The following CPEB3 variants were observed in gnomAD, a reference collection of about 807,000 sequenced individuals.
The protein encoded by CPEB3 is cytoplasmic polyadenylation element-binding protein 3.
A neutral mutation model predicts 67.2 loss-of-function variants in CPEB3; 20 were observed. That is an observed-to-expected ratio of 0.30 (90% CI 0.21 to 0.43). The LOEUF (loss-of-function observed/expected upper bound fraction) is 0.43, where lower values mean the gene tolerates loss of function less well. CPEB3 is among the 20% of genes least tolerant of loss of function. The pLI is 1.00. For missense variants in CPEB3, 746 were observed against 968.6 expected, an observed-to-expected ratio of 0.77 and a Z score of 3.05; for synonymous variants, 376 against 393.1, an observed-to-expected ratio of 0.96 and a Z score of 0.51.
Position 92,145,087 on chromosome 10 carries a change from T to G in CPEB3, c.1223-2A>C. On this transcript the variant is annotated splice_acceptor_variant, in intron 4 of 9. Coordinates refer to ENST00000265997, the MANE Select transcript of CPEB3 (RefSeq NM_014912.5). LOFTEE classifies it high-confidence loss of function. ...CATGGCTATCATCCAGGAAGGCATC[T>G]TCAAAGGGAAAGAGAGAAGATCGAC... 2 of 1,613,996 alleles carry G rather than the reference T, an allele frequency of 1.2e-6. No homozygotes were observed. Among genetic ancestry groups the G allele is most frequent in the Non-Finnish European group, 1.7e-6 (2 of 1,179,930 alleles).
rs1227240506 is a variant in CPEB3 at position 92,047,124 on chromosome 10, C to G, written c.*5088G>C. The G allele has an allele frequency of 6.6e-6, 1 of 152,148 alleles. No homozygotes were observed. The highest frequency in any genetic ancestry group is 2.4e-5 in the African/African-American group (1 of 41,430). 9.4% of individuals were successfully genotyped at this position (152,148 alleles called of 1,614,324 possible). A position where few individuals can be genotyped will look rare whatever the true frequency, so the allele number is the denominator to read the frequency against. On this transcript the variant is annotated 3_prime_UTR_variant, in exon 10 of 10. Transcript: ENST00000265997. ...TGTTGCAATTAACTTTGTCGTCATA[C>G]AAATTTAAACATCCCCTAATCATGT...
At chr10:92,225,538 C>A (rs997899786) in intron 2 of CPEB3, among the ~76,000 whole-genome samples, 6 of 152,030 alleles carry the variant, frequency 3.9e-5, no homozygotes, top group African/African-American at 1.4e-4. Flanking sequence ...AACAACAAAA[C>A]AATCTATCTA....
intron 2 of CPEB3, among the ~76,000 whole-genome samples, chr10:92,230,908 C>G (rs1851236210): frequency 6.6e-6 from 1 of 152,192 alleles, no homozygotes; most frequent in Non-Finnish European, 1.5e-5. Context: ...GACAACCACA[C>G]TGGCCCCTAA....
At chr10:92,259,009 C>A (rs189030998) in intron 1 of CPEB3, among the ~76,000 whole-genome samples, 32 of 151,628 alleles carry the variant, frequency 2.1e-4, no homozygotes, top group African/African-American at 7.7e-4. Flanking sequence ...GTTGCCCAGG[C>A]TGGAATGCAG....
chr10:92,103,226 C>A (rs1040989050), intron 7 of CPEB3, among the ~76,000 whole-genome samples: 5 of 152,186 alleles, frequency 3.3e-5, no homozygotes, highest in Admixed American at 1.3e-4. Flanking sequence ...AGGTGAGACC[C>A]ACTCAATGAT....
chr10:92,236,020 A>G (rs1233853305), intron 2 of CPEB3, among the ~76,000 whole-genome samples: 1 of 152,220 alleles, frequency 6.6e-6, no homozygotes, highest in Non-Finnish European at 1.5e-5. Flanking sequence ...TTATGCACCA[A>G]ACTAATACAT....
intron 8 of CPEB3, among the ~76,000 whole-genome samples, chr10:92,085,352 G>A (rs1044046222): frequency 2.0e-5 from 3 of 152,138 alleles, no homozygotes; most frequent in African/African-American, 7.2e-5. Context: ...TGGACAAGAT[G>A]CTCTGTGATC....
intron 2 of CPEB3, among the ~76,000 whole-genome samples, chr10:92,223,053 T>A (rs2134460266): frequency 6.6e-6 from 1 of 152,304 alleles, no homozygotes; most frequent in East Asian, 1.9e-4. Flanking sequence ...CCCACATGAT[T>A]AATTGGTTAG....
At chr10:92,083,780 T>C (rs1843252702) in intron 8 of CPEB3, among the ~76,000 whole-genome samples, 1 of 152,188 alleles carries the variant, frequency 6.6e-6, no homozygotes, top group Non-Finnish European at 1.5e-5. Context: ...AAGGACTCAA[T>C]AAAGTGCCTG....
chr10:92,230,785 T>C (rs766786504), intron 2 of CPEB3, among the ~76,000 whole-genome samples: 13 of 152,314 alleles, frequency 8.5e-5, no homozygotes, highest in Admixed American at 2.6e-4. Flanking sequence ...CTTGTGAAGC[T>C]GGTTTCTACT....
At chr10:92,172,828 T>C (rs1848067250) in intron 4 of CPEB3, among the ~76,000 whole-genome samples, 1 of 152,216 alleles carries the variant, frequency 6.6e-6, no homozygotes, top group Non-Finnish European at 1.5e-5. Context: ...GGAAAAACCA[T>C]AGTAAGCATT....
intron 3 of CPEB3, 100 bp from the exon 4 acceptor site, chr10:92,181,119 C>A: frequency 1.5e-6 from 1 of 649,578 alleles, no homozygotes; most frequent in Non-Finnish European, 2.7e-6. Context: ...ACAGATTAAT[C>A]TATAACAATG....
At chr10:92,218,179 T>C (rs1053871091) in intron 2 of CPEB3, among the ~76,000 whole-genome samples, 3 of 151,634 alleles carry the variant, frequency 2.0e-5, no homozygotes, top group Admixed American at 6.6e-5. Context: ...GAGGCCGAGG[T>C]GGGCAGATCA....
chr10:92,201,611 T>C (rs1351042716), intron 2 of CPEB3, among the ~76,000 whole-genome samples: 3 of 152,176 alleles, frequency 2.0e-5, no homozygotes, highest in African/African-American at 7.2e-5. Context: ...TATGTGACTT[T>C]TGAAAGTGAT....
intron 4 of CPEB3, among the ~76,000 whole-genome samples, chr10:92,163,437 CT>C (rs1847593575): frequency 6.6e-6 from 1 of 151,952 alleles, no homozygotes; most frequent in Non-Finnish European, 1.5e-5. Context: ...AAAAAAATTA[CT>C]TTCCTTGTGA....
At chr10:92,123,628 A>C (rs2797641) in intron 6 of CPEB3, among the ~76,000 whole-genome samples, 2,029 of 152,290 alleles carry the variant, frequency 0.013, 48 homozygotes, top group African/African-American at 0.047. Context: ...ACACTCCCTC[A>C]GTCAGCAAAC....
chr10:92,233,215 T>C (rs374987624), intron 2 of CPEB3, among the ~76,000 whole-genome samples: 3 of 151,970 alleles, frequency 2.0e-5, no homozygotes, highest in Non-Finnish European at 4.4e-5. Context: ...TATTACCTCC[T>C]GAAAAGATGG....
chr10:92,080,850 C>T (rs777345262), intron 9 of CPEB3, among the ~76,000 whole-genome samples: 4 of 152,166 alleles, frequency 2.6e-5, no homozygotes, highest in East Asian at 3.9e-4. Context: ...CCACCCGCCT[C>T]GGCCTCCCAG....
At chr10:92,193,313 T>C (rs893398081) in intron 2 of CPEB3, among the ~76,000 whole-genome samples, 22 of 152,316 alleles carry the variant, frequency 1.4e-4, no homozygotes, top group African/African-American at 5.1e-4. Flanking sequence ...TGCAATGTAA[T>C]TGCAGAGTGA....
Sources: allele counts gnomAD v4.1 joint callset (sites outside exome capture counted in the v4.1 genomes callset), GRCh38; gene constraint gnomAD v4.1.1; transcripts MANE v1.5; gene names NCBI Gene and HGNC (gene_info 2026-07-23, HGNC 2026-07-21).